Variants in SLC47A2 observed in about 807,000 individuals in gnomAD.
The protein encoded by SLC47A2 is solute carrier family 47 member 2, also known as multidrug and toxin extrusion protein 2.
SLC47A2 carries 52 observed loss-of-function variants against 67.7 expected under a neutral mutation model. The observed-to-expected ratio is 0.77, with a 90% CI of 0.61 to 0.97. The LOEUF (loss-of-function observed/expected upper bound fraction) is 0.97. Ranked by LOEUF, SLC47A2 falls within the 50% of genes least tolerant of loss-of-function variation. The pLI is 0.00. For synonymous variants in SLC47A2, 278 were observed against 292.9 expected (o/e 0.95, Z 0.52); for missense variants, 676 against 712.3 (o/e 0.95, Z 0.58).
Position 19,703,617 on chromosome 17 carries a change from A to G in SLC47A2, c.1019-450T>C, listed in dbSNP as rs117547100. 2.0e-3 allele frequency among the ~76,000 whole-genome samples: 304 copies of G among 152,366 alleles called. 5 individuals are homozygous for G. The East Asian group carries it at 0.046, about 23-fold the overall frequency. ...CCTTCCAGTCTCAGAAAGCACAGCC[A>G]TGATGTCAGAGGACATGAGTGGCTC... On this transcript the variant is annotated intron_variant, in intron 11 of 16. Transcript: ENST00000433844.
intron 13 of SLC47A2, among the ~76,000 whole-genome samples, chr17:19,691,916 A>C (rs1567620211): frequency 6.6e-6 from 1 of 152,196 alleles, no homozygotes; most frequent in South Asian, 2.1e-4. Flanking sequence ...AAATTAATAA[A>C]AACAAAAGTT....
At chr17:19,715,003 G>A (rs563691640) in intron 2 of SLC47A2, 113 bp downstream of exon 2, 207 of 1,319,692 alleles carry the variant, frequency 1.6e-4, no homozygotes, top group Middle Eastern at 2.4e-4. Context: ...GTCCAGCCAC[G>A]TGGGCTGTGT....
chr17:19,681,730 T>C lies in SLC47A2; in HGVS notation c.1165-60A>G, dbSNP rs919706105. 6 of 1,565,394 alleles carry C rather than the reference T, an allele frequency of 3.8e-6. No homozygotes were observed. The African/African-American group carries it at 4.1e-5, about 11-fold the overall frequency. On this transcript the variant is annotated intron_variant, in intron 13 of 16. Coordinates refer to ENST00000433844, the MANE Select transcript of SLC47A2 (RefSeq NM_001099646.3). The stretch of plus-strand genomic sequence containing the variant: ...ATGATGAGACTAAGAGCAGGTGTCA[T>C]GCAGCAGGCACTGTGCTAAGCCATT...
rs2086272470 is a variant in SLC47A2 at position 19,716,519 on chromosome 17, C to A, written c.37G>T (p.Gly13Trp). The change falls in exon 1 of 17, where the codon GGG becomes TGG. Residue 13 changes from glycine to tryptophan, a missense_variant. By Grantham distance (184) the Gly-to-Trp change is radical (BLOSUM62 -2). Transcript: ENST00000433844. ...CTGCTGAGGGCAGGGCAGCAGCCCC[C>A]ATGGTCCAGGGCCACTGTGTCCTGG... ...SLQDTVALDH[G>W]GCCPALSRLV... is the part of the protein sequence containing the mutation. 1 of 1,611,914 alleles carries A rather than the reference C, an allele frequency of 6.2e-7. No individual in the cohort carries two copies. Among genetic ancestry groups the A allele is most frequent in the Non-Finnish European group, 8.5e-7 (1 of 1,179,188 alleles).
chr17:19,704,720 G>C, intron 10 of SLC47A2: 1 of 1,547,612 alleles, frequency 6.5e-7, no homozygotes, highest in Non-Finnish European at 8.7e-7. Context: ...GGGAGGTGGG[G>C]GCTGTGGTGG....
rs755164804 is a variant in SLC47A2, at chr17:19,713,942, C to T, written c.326G>A (p.Gly109Asp). 7.4e-5 allele frequency: 119 copies of T among 1,613,186 alleles called. No homozygotes were observed. The highest frequency in any genetic ancestry group is 7.2e-5 in the Non-Finnish European group (85 of 1,179,558). ...CAGCGCGCCCCGCTGCAGGATCACG[C>T]CCACGTGCTTCTTGTTGGGGCTGCC... ...SFGSPNKKHV[G>D]VILQRGALVL... Residue 109 changes from glycine (G) to aspartate (D), a missense_variant, in exon 4 of 17, where the codon GGC becomes GAC. Gly to Asp is a moderately conservative substitution (Grantham distance 94, BLOSUM62 -1). Transcript: ENST00000433844.
chr17:19,688,446 G>C (rs1014187182), intron 13 of SLC47A2, among the ~76,000 whole-genome samples: 2 of 152,100 alleles, frequency 1.3e-5, no homozygotes, highest in African/African-American at 2.4e-5. Flanking sequence ...CTAAGATCTA[G>C]AACAGGACAA....
intron 12 of SLC47A2, 66 bp downstream of exon 12, chr17:19,703,026 T>G: frequency 1.3e-6 from 2 of 1,513,516 alleles, no homozygotes; most frequent in Middle Eastern, 1.7e-4. Context: ...ATGTGATAAA[T>G]CTGAGGACAC....
intron 9 of SLC47A2, 147 bp from the exon 10 acceptor site, chr17:19,705,650 A>C (rs968249710): frequency 5.0e-5 from 35 of 697,412 alleles, no homozygotes; most frequent in Non-Finnish European, 1.3e-5. Context: ...CTTGAGCTGG[A>C]GTGCAGTGGC....
chr17:19,696,571 A>G (rs75315357), intron 13 of SLC47A2, among the ~76,000 whole-genome samples: 10,327 of 152,224 alleles, frequency 0.068, 439 homozygotes, highest in African/African-American at 0.11. Flanking sequence ...CCCTGAGGCT[A>G]CCAGAGCTAG....
At position 19,707,835 on chromosome 17, in the gene SLC47A2, G is replaced by C; in HGVS notation, c.638C>G (p.Ala213Gly). The C allele has an allele frequency of 6.3e-7, 1 of 1,596,440 alleles. No individual in the cohort carries two copies. The highest frequency in any genetic ancestry group is 8.5e-7 in the Non-Finnish European group (1 of 1,171,756). The change falls in exon 8 of 17, where the codon GCC becomes GGC. Residue 213 changes from alanine (A) to glycine (G), a missense_variant. Coordinates refer to ENST00000433844, the MANE Select transcript of SLC47A2 (RefSeq NM_001099646.3). ...AAACTGGGAGATGATGTTGGCATAG[G>C]CGGAGCCCCTGGGTAAGGAGGGAGA... The part of the protein sequence containing the change: ...SVLNLGVRGS[A>G]YANIISQFAQ...
Position 19,678,965 on chromosome 17 carries a change from C to G in SLC47A2, c.1481-59G>C, listed in dbSNP as rs138518845. On this transcript the variant is annotated intron_variant, in intron 16 of 16. Coordinates refer to ENST00000433844, the MANE Select transcript of SLC47A2 (RefSeq NM_001099646.3). ...CAGGGGTCAGAGGGAGAGCTTTGGC[C>G]TTGGAATCGGGAAACCTAGGTTAAC... 1.5e-5 allele frequency: 23 copies of G among 1,488,322 alleles called. 1 individual carries two copies. In the Admixed American group the frequency reaches 3.0e-4, roughly 19 times the overall value. 92.2% of individuals were successfully genotyped at this position (1,488,322 alleles called of 1,614,324 possible).
intron 13 of SLC47A2, among the ~76,000 whole-genome samples, chr17:19,690,840 C>T (rs531810983): frequency 4.0e-5 from 6 of 151,866 alleles, no homozygotes; most frequent in East Asian, 1.9e-4. Context: ...CCCCCTTGGC[C>T]GGGCACGGTG....
intron 13 of SLC47A2, among the ~76,000 whole-genome samples, chr17:19,697,608 G>A (rs1597612105): frequency 6.6e-6 from 1 of 152,102 alleles, no homozygotes; most frequent in East Asian, 1.9e-4. Flanking sequence ...TGTAGATTGA[G>A]ACAGGGCCTT....
chr17:19,704,785 G>A (rs1201289123), intron 10 of SLC47A2: 5 of 1,072,056 alleles, frequency 4.7e-6, no homozygotes, highest in African/African-American at 1.6e-5. Context: ...GCCGACTGCA[G>A]TGTGCAGGAA....
Position 19,716,561 on chromosome 17 carries a change from G to GC in SLC47A2, c.-7dup. 1.3e-6 allele frequency: 2 copies of GC among 1,597,996 alleles called. No homozygotes were observed. Among genetic ancestry groups the GC allele is most frequent in the Non-Finnish European group, 1.7e-6 (2 of 1,173,352 alleles). On this transcript the variant is annotated 5_prime_UTR_variant, in exon 1 of 17. Coordinates refer to ENST00000433844, the MANE Select transcript of SLC47A2 (RefSeq NM_001099646.3). ...GTGTCCTGGAGGCTGTCCATTCCTG[G>GC]CCGGGGCACTGGCTACCCTGCACGC...
At chr17:19,706,302 C>A (rs904223431) in intron 9 of SLC47A2, among the ~76,000 whole-genome samples, 1 of 152,232 alleles carries the variant, frequency 6.6e-6, no homozygotes, top group African/African-American at 2.4e-5. Flanking sequence ...CTCACACCCG[C>A]AAACCAACTG....
At chr17:19,695,959 A>T (rs1396342189) in intron 13 of SLC47A2, among the ~76,000 whole-genome samples, 1 of 151,724 alleles carries the variant, frequency 6.6e-6, no homozygotes, top group South Asian at 2.1e-4. Flanking sequence ...TCCTGACCTC[A>T]GGTGATCTGC....
Position 19,679,944 on chromosome 17 carries a change from A to G in SLC47A2, c.1480+8T>C. On this transcript the variant is annotated splice_region_variant and intron_variant, in intron 16 of 16. Transcript: ENST00000433844. ...GTACCAAAGTAGAAGCAGCGGTGAC[A>G]GTATTACCTGAAGATAGGACTGCTT... 6.2e-7 allele frequency: 1 copy of G among 1,612,428 alleles called. No individual in the cohort carries two copies. The highest frequency in any genetic ancestry group is 8.5e-7 in the Non-Finnish European group (1 of 1,179,292).
Sources: gnomAD v4.1 joint callset for allele counts (sites outside exome capture counted in the v4.1 genomes callset) on GRCh38, gnomAD v4.1.1 for gene constraint, MANE v1.5 for transcripts, NCBI Gene and HGNC (gene_info 2026-07-23, HGNC 2026-07-21) for gene names.